CSGALNACT1: variants seen among roughly 807,000 people sequenced by gnomAD.
CSGALNACT1 encodes the protein chondroitin sulfate N-acetylgalactosaminyltransferase 1, also known as beta4GalNAcT-1.
CSGALNACT1 carries 52 observed loss-of-function variants against 51.0 expected under a neutral mutation model. That is an observed-to-expected ratio of 1.02 (90% CI 0.82 to 1.29). The LOEUF (loss-of-function observed/expected upper bound fraction) is 1.29. Ranked by LOEUF, CSGALNACT1 falls within the 50% of genes most tolerant of loss-of-function variation. The probability of loss-of-function intolerance (pLI) is 0.00; values close to 1 mark genes in which losing one functional copy is unlikely to be tolerated. For synonymous variants in CSGALNACT1, 341 were observed against 254.4 expected, an observed-to-expected ratio of 1.34 and a Z score of -3.24; for missense variants, 935 against 679.2, an observed-to-expected ratio of 1.38 and a Z score of -4.19.
At chr8:19,499,718 TC>T in intron 4 of CSGALNACT1, among the ~76,000 whole-genome samples, 1 of 152,224 alleles carries the variant, frequency 6.6e-6, no homozygotes, top group East Asian at 1.9e-4. Context: ...CTCCCTTCTG[TC>T]CCCTCCACCT....
At chr8:19,418,027 C>A (rs756411233) in intron 8 of CSGALNACT1, among the ~76,000 whole-genome samples, 2 of 152,192 alleles carry the variant, frequency 1.3e-5, no homozygotes, top group Non-Finnish European at 2.9e-5. Context: ...CTATCCATCA[C>A]CTGTGCAGCC....
At chr8:19,473,362 T>A (rs142628907) in intron 4 of CSGALNACT1, among the ~76,000 whole-genome samples, 1 of 152,140 alleles carries the variant, frequency 6.6e-6, no homozygotes. Flanking sequence ...TCATCTCCCC[T>A]CCCAATCATC....
At chr8:19,464,915 G>A (rs2066334866) in intron 4 of CSGALNACT1, among the ~76,000 whole-genome samples, 1 of 152,116 alleles carries the variant, frequency 6.6e-6, no homozygotes, top group Non-Finnish European at 1.5e-5. Context: ...TGCAGCCACT[G>A]CGGAATGCAG....
chr8:19,461,456 T>C (rs2153823255), intron 4 of CSGALNACT1, among the ~76,000 whole-genome samples: 2 of 145,946 alleles, frequency 1.4e-5, no homozygotes, highest in Middle Eastern at 3.6e-3. Context: ...AGGGCATAAC[T>C]GCACAGCAGC....
chr8:19,631,080 C>T (rs970930651), intron 1 of CSGALNACT1, among the ~76,000 whole-genome samples: 1 of 152,178 alleles, frequency 6.6e-6, no homozygotes, highest in Non-Finnish European at 1.5e-5. Flanking sequence ...GACCACACCA[C>T]TGTTGGTCTA....
chr8:19,681,259 C>G (rs897196928), intron 1 of CSGALNACT1, among the ~76,000 whole-genome samples: 1 of 152,046 alleles, frequency 6.6e-6, no homozygotes, highest in East Asian at 1.9e-4. Context: ...AGGAAAGGAA[C>G]AGAGTAAGAA....
At chr8:19,590,533 G>T (rs1231239774) in intron 3 of CSGALNACT1, among the ~76,000 whole-genome samples, 1 of 151,788 alleles carries the variant, frequency 6.6e-6, no homozygotes. Context: ...GCTCACTGTG[G>T]TTGAGAATGA....
chr8:19,623,327 T>G (rs1364271533), intron 1 of CSGALNACT1, among the ~76,000 whole-genome samples: 1 of 152,232 alleles, frequency 6.6e-6, no homozygotes, highest in East Asian at 1.9e-4. Flanking sequence ...TTAATATACC[T>G]TTCTCTGGGG....
intron 1 of CSGALNACT1, among the ~76,000 whole-genome samples, chr8:19,714,967 T>C (rs755724488): frequency 6.6e-6 from 1 of 152,192 alleles, no homozygotes; most frequent in Non-Finnish European, 1.5e-5. Flanking sequence ...CTTTTCTTTG[T>C]ATTCTTGTGT....
intron 1 of CSGALNACT1, among the ~76,000 whole-genome samples, chr8:19,751,412 G>A (rs575740854): frequency 8.5e-5 from 13 of 152,316 alleles, no homozygotes; most frequent in Non-Finnish European, 1.5e-4. Flanking sequence ...ATCATGGGAA[G>A]AGAATTGTGA....
At chr8:19,731,618 A>C (rs1206139308) in intron 1 of CSGALNACT1, among the ~76,000 whole-genome samples, 1 of 152,212 alleles carries the variant, frequency 6.6e-6, no homozygotes, top group East Asian at 1.9e-4. Context: ...AACACCTCCA[A>C]ACAACCGCAA....
chr8:19,736,538 A>T (rs1156678855), intron 1 of CSGALNACT1, among the ~76,000 whole-genome samples: 1 of 152,020 alleles, frequency 6.6e-6, no homozygotes, highest in African/African-American at 2.4e-5. Context: ...AAATAAAACC[A>T]GGAATCATCC....
chr8:19,444,807 A>G (rs1165187774), intron 5 of CSGALNACT1, among the ~76,000 whole-genome samples: 1 of 152,218 alleles, frequency 6.6e-6, no homozygotes, highest in Non-Finnish European at 1.5e-5. Flanking sequence ...CATGGCACTG[A>G]TATAAAGAAC....
chr8:19,473,603 A>G lies in CSGALNACT1; in HGVS notation c.635-14961T>C, dbSNP rs111431773. On this transcript the variant is annotated intron_variant, in intron 4 of 9. Transcript: ENST00000454498. Reference sequence around the variant, plus strand: ...TAATGACTCAGGTTTCCCACTTCCTAGTCTTAAAAATTAGACCACAGTATC... The same window carrying G: ...TAATGACTCAGGTTTCCCACTTCCTGGTCTTAAAAATTAGACCACAGTATC... 9.4e-3 allele frequency among the ~76,000 whole-genome samples: 1,428 copies of G among 152,314 alleles called. 17 individuals are homozygous for G. Among genetic ancestry groups the G allele is most frequent in the African/African-American group, 0.031 (1,296 of 41,568 alleles).
At chr8:19,729,100 A>G (rs1041185687) in intron 1 of CSGALNACT1, among the ~76,000 whole-genome samples, 4 of 151,802 alleles carry the variant, frequency 2.6e-5, no homozygotes, top group African/African-American at 9.7e-5. Flanking sequence ...TAAACCAGTT[A>G]AATGTGACCT....
chr8:19,622,489 A>G (rs1017546747), intron 1 of CSGALNACT1, among the ~76,000 whole-genome samples: 3 of 152,244 alleles, frequency 2.0e-5, no homozygotes, highest in African/African-American at 7.2e-5. Flanking sequence ...TTATATTTCA[A>G]AACAAGGATT....
At chr8:19,423,754 T>G (rs146566099) in intron 6 of CSGALNACT1, among the ~76,000 whole-genome samples, 1 of 152,328 alleles carries the variant, frequency 6.6e-6, no homozygotes, top group African/African-American at 2.4e-5. Context: ...TTATATGGCC[T>G]AATGCAAAAG....
chr8:19,656,600 CCA>C (rs72048698), intron 1 of CSGALNACT1, among the ~76,000 whole-genome samples: 57,184 of 137,242 alleles, frequency 0.42, 12,577 homozygotes, highest in Middle Eastern at 0.52. Context: ...CGCCCCCCCC[CCA>C]CACACACACA....
chr8:19,713,277 C>T (rs1416801798), intron 1 of CSGALNACT1, among the ~76,000 whole-genome samples: 2 of 152,136 alleles, frequency 1.3e-5, no homozygotes, highest in Non-Finnish European at 2.9e-5. Flanking sequence ...GTTTGAAGGG[C>T]ATGACAGAGT....
Sources: allele counts gnomAD v4.1 joint callset (sites outside exome capture counted in the v4.1 genomes callset), GRCh38; gene constraint gnomAD v4.1.1; transcripts MANE v1.5; gene names NCBI Gene and HGNC (gene_info 2026-07-23, HGNC 2026-07-21).